The following CLEC18B variants were observed in gnomAD, a reference collection of about 807,000 sequenced individuals.
CLEC18B encodes C-type lectin domain family 18 member B.
A neutral mutation model predicts 60.4 loss-of-function variants in CLEC18B; 5 were observed. The ratio of observed to expected loss-of-function variants is 0.08; its 90% CI spans 0.04 to 0.17. The LOEUF (loss-of-function observed/expected upper bound fraction) is 0.17, where lower values mean the gene tolerates loss of function less well. Among genes scored for constraint, CLEC18B ranks in the 10% least tolerant of loss-of-function variants. CLEC18B has a pLI of 1.00. For synonymous variants in CLEC18B, 16 were observed against 221.2 expected (o/e 0.07, Z 8.23); for missense variants, 26 against 572.8 (o/e 0.05, Z 9.74).
intron 2 of CLEC18B, among the ~76,000 whole-genome samples, chr16:74,419,705 C>A (rs1353765553): frequency 4.0e-5 from 6 of 151,312 alleles, no homozygotes; most frequent in Non-Finnish European, 8.8e-5. Context: ...GAGAAGCGAC[C>A]CCCCGCATTT....
At chr16:74,423,685 T>G (rs1597192006), upstream of CLEC18B, among the ~76,000 whole-genome samples, 4 of 101,140 alleles carry the variant, frequency 4.0e-5, no homozygotes, top group African/African-American at 1.2e-4. Flanking sequence ...CGAGACTCTG[T>G]CCCACCCCCG....
At chr16:74,418,623 C>G (rs1335980503) in intron 2 of CLEC18B, among the ~76,000 whole-genome samples, 1 of 151,048 alleles carries the variant, frequency 6.6e-6, no homozygotes, top group African/African-American at 2.4e-5. Flanking sequence ...CAGACTGGTT[C>G]TGTGTTTGGG....
chr16:74,410,333 C>A (rs1186485882), intron 10 of CLEC18B, among the ~76,000 whole-genome samples: 1 of 152,246 alleles, frequency 6.6e-6, no homozygotes, highest in Non-Finnish European at 1.5e-5. Flanking sequence ...CTCTCTCCCC[C>A]ACGTGACGTG....
At position 74,410,532 on chromosome 16, in the gene CLEC18B, T is replaced by C. The variant is rs756869980; in HGVS notation, c.1211+4A>G. On this transcript the variant is annotated splice_donor_region_variant and intron_variant, in intron 10 of 11. Transcript: ENST00000682950. ...CCCAGGGGAGGGAGGCACCCCACAC[T>C]TACCCGTGGTTGTCAGGCTGCCCAA... The C allele has an allele frequency of 6.2e-7, 1 of 1,607,404 alleles. No individual in the cohort carries two copies. Among genetic ancestry groups the C allele is most frequent in the Admixed American group, 1.7e-5 (1 of 58,732 alleles).
upstream of CLEC18B, among the ~76,000 whole-genome samples, chr16:74,423,608 G>C (rs1202897022): frequency 6.6e-6 from 1 of 152,142 alleles, no homozygotes; most frequent in Admixed American, 6.6e-5. Context: ...AGAATTGCTT[G>C]AATCTGGGAG....
At chr16:74,411,960 A>T in intron 7 of CLEC18B, 185 bp from the exon 8 acceptor site, 1 of 1,466,852 alleles carries the variant, frequency 6.8e-7, no homozygotes, top group African/African-American at 1.4e-5. Flanking sequence ...AAGAAAAAAA[A>T]AATCCATGGT....
At chr16:74,424,182 C>T (rs2013762917), upstream of CLEC18B, among the ~76,000 whole-genome samples, 1 of 149,332 alleles carries the variant, frequency 6.7e-6, no homozygotes, top group African/African-American at 2.5e-5. Flanking sequence ...AAGGTTATAG[C>T]GTTCGAGTCA....
At position 74,419,949 on chromosome 16, in the gene CLEC18B, C is replaced by T. The variant is rs1390633937; in HGVS notation, c.216+552G>A. The stretch of plus-strand genomic sequence containing the variant: ...ACAGTCCCAACCCCGCAGCCCCAGC[C>T]GGGCTGGTGGGGAACTCTATACCCC... On this transcript the variant is annotated intron_variant, in intron 2 of 11. Coordinates refer to ENST00000682950, the MANE Select transcript of CLEC18B (RefSeq NM_001385193.1). Among the ~76,000 whole-genome samples, 11 of 152,334 alleles carry T rather than the reference C, an allele frequency of 7.2e-5. 1 individual carries two copies. In the East Asian group the frequency reaches 7.8e-4, roughly 11 times the overall value.
At chr16:74,422,531 A>G (rs1458365472), upstream of CLEC18B, 1 of 150,680 alleles carries the variant, frequency 6.6e-6, no homozygotes, top group African/African-American at 2.4e-5. Context: ...CATACAGGCC[A>G]TGAAGGCGGT....
In CLEC18B at chr16:74,421,390, G is replaced by C; in HGVS notation, c.-120C>G. 5.6e-6 allele frequency: 9 copies of C among 1,602,792 alleles called. No individual in the cohort carries two copies. The highest frequency in any genetic ancestry group is 7.7e-6 in the Non-Finnish European group (9 of 1,174,870). ...AGTCAGGCTGGGCTGGTGGACAAAA[G>C]AGGGGGGCTGGTGAACAAAAGAAGG... On this transcript the variant is annotated 5_prime_UTR_variant, in exon 1 of 12. Coordinates refer to ENST00000682950, the MANE Select transcript of CLEC18B (RefSeq NM_001385193.1).
intron 2 of CLEC18B, among the ~76,000 whole-genome samples, chr16:74,419,983 G>A (rs552150178): frequency 1.3e-5 from 2 of 152,400 alleles, no homozygotes; most frequent in South Asian, 2.1e-4. Flanking sequence ...CCCGACCCCT[G>A]GCCCCTGCTG....
chr16:74,421,449 A>T lies in CLEC18B; in HGVS notation c.-179T>A. 1 of 1,245,732 alleles carries T rather than the reference A, an allele frequency of 8.0e-7. No individual in the cohort carries two copies. 77.2% of individuals were successfully genotyped at this position (1,245,732 alleles called of 1,614,324 possible). A position where few individuals can be genotyped will look rare whatever the true frequency, so the allele number is the denominator to read the frequency against. ...GAGTGAGTAATCAGTGTGTCCAGAC[A>T]GCCTCCTGTTGGCGCTGGCATGAAA... is the stretch of plus-strand genomic sequence containing the variant. On this transcript the variant is annotated 5_prime_UTR_variant, in exon 1 of 12. Coordinates refer to ENST00000682950, the MANE Select transcript of CLEC18B (RefSeq NM_001385193.1).
upstream of CLEC18B, among the ~76,000 whole-genome samples, chr16:74,423,289 C>T (rs1280507200): frequency 1.3e-5 from 2 of 151,566 alleles, no homozygotes; most frequent in African/African-American, 2.4e-5. Context: ...GGCCAGTTGA[C>T]CCATATAGTA....
At chr16:74,413,395 C>T (rs1419838208) in intron 4 of CLEC18B, among the ~76,000 whole-genome samples, 184 bp downstream of exon 4, 1 of 152,272 alleles carries the variant, frequency 6.6e-6, no homozygotes, top group Non-Finnish European at 1.5e-5. Flanking sequence ...CGCAGAGCAG[C>T]ACCTTCTGCG....
intron 3 of CLEC18B, among the ~76,000 whole-genome samples, chr16:74,416,997 C>T (rs554550560): frequency 3.3e-5 from 5 of 152,142 alleles, no homozygotes; most frequent in African/African-American, 1.2e-4. Flanking sequence ...GGTGCGGTGT[C>T]TCACACGTGT....
chr16:74,423,117 C>T (rs2142777645), upstream of CLEC18B, among the ~76,000 whole-genome samples: 1 of 132,018 alleles, frequency 7.6e-6, no homozygotes, highest in South Asian at 2.8e-4. Flanking sequence ...TCCAAGGTCA[C>T]TCAGCGAGTG....
rs1213522014 is a variant in CLEC18B, at chr16:74,413,842, A to G, written c.457-166T>C. On this transcript the variant is annotated intron_variant, in intron 3 of 11. Transcript: ENST00000682950. ...GTAGAAGCATGGGTGGGAATAGTTC[A>G]GGAAGGCTTATTTATTTATTTATTT... 4.2e-5 allele frequency among the ~76,000 whole-genome samples: 5 copies of G among 119,160 alleles called. No individual in the cohort carries two copies. In the East Asian group the frequency reaches 1.3e-3, roughly 31 times the overall value. The allele number at this position is 119,160 out of a possible 152,430, so 78.2% of individuals were successfully genotyped here.
upstream of CLEC18B, among the ~76,000 whole-genome samples, chr16:74,422,866 C>T (rs537287200): frequency 0.014 from 2,108 of 149,468 alleles, 22 homozygotes; most frequent in Non-Finnish European, 0.022. Context: ...AGGATTTCAT[C>T]GTCTTGCCCA....
intron 3 of CLEC18B, among the ~76,000 whole-genome samples, chr16:74,414,187 C>A: frequency 6.6e-6 from 1 of 152,258 alleles, no homozygotes; most frequent in East Asian, 1.9e-4. Context: ...GGAAGGCTTT[C>A]TTAGTTGAGA....
Sources: gnomAD v4.1 joint callset for allele counts (sites outside exome capture counted in the v4.1 genomes callset) on GRCh38, gnomAD v4.1.1 for gene constraint, MANE v1.5 for transcripts, NCBI Gene and HGNC (gene_info 2026-07-23, HGNC 2026-07-21) for gene names.